CHRNE: variants seen among roughly 807,000 people sequenced by gnomAD.
CHRNE encodes acetylcholine receptor subunit epsilon.
CHRNE carries 58 observed loss-of-function variants against 56.5 expected under a neutral mutation model. The observed-to-expected ratio is 1.03, with a 90% CI of 0.83 to 1.28. The LOEUF (loss-of-function observed/expected upper bound fraction) is 1.28, where lower values mean the gene tolerates loss of function less well. Among genes scored for constraint, CHRNE ranks in the 50% most tolerant of loss-of-function variants. The pLI is 0.00. For synonymous variants in CHRNE, 385 were observed against 297.9 expected (o/e 1.29, Z -3.01); for missense variants, 793 against 688.9 (o/e 1.15, Z -1.69).
rs1412855797 is a variant in CHRNE at position 4,898,859 on chromosome 17, G to A, written c.1359C>T (p.Ala453=). ...EVSDWVRMGN[A]LDNICFWAAL... is the part of the protein sequence containing the mutation. Reference sequence around the variant, plus strand: ...CGGCCCAGAAGCAGATGTTGTCAAGGGCATTCCCCATGCGCACCCAGTCGG... The same window carrying A: ...CGGCCCAGAAGCAGATGTTGTCAAGAGCATTCCCCATGCGCACCCAGTCGG... The change falls in exon 12 of 12, where the codon GCC becomes GCT. Residue 453 remains alanine, a synonymous_variant. Transcript: ENST00000649488. The A allele has an allele frequency of 1.3e-6, 2 of 1,589,902 alleles. No homozygotes were observed. The highest frequency in any genetic ancestry group is 1.3e-5 in the African/African-American group (1 of 74,666).
Position 4,902,522 on chromosome 17 carries a change from A to G in CHRNE, c.190-28T>C, listed in dbSNP as rs1970026595. On this transcript the variant is annotated intron_variant, in intron 2 of 11. Transcript: ENST00000649488. This position sits in a 1 kb window ranked among gnomAD's most constrained non-coding sequence, Gnocchi z 4.0. ...GCAGATGGGAGATGGGGATGATTGA[A>G]GTGAGATTTCAGGGCCAGAAGTGAG... 1 of 1,614,128 alleles carries G rather than the reference A, an allele frequency of 6.2e-7. No homozygotes were observed. The highest frequency in any genetic ancestry group is 2.2e-5 in the East Asian group (1 of 44,872).
At position 4,902,658 on chromosome 17, in the gene CHRNE, A is replaced by T; in HGVS notation, c.152T>A (p.Ile51Asn). The T allele has an allele frequency of 6.2e-7, 1 of 1,613,902 alleles. No homozygotes were observed. Among genetic ancestry groups the T allele is most frequent in the Non-Finnish European group, 8.5e-7 (1 of 1,179,954 alleles). The change falls in exon 2 of 12, where the codon ATC (isoleucine) becomes AAC (asparagine). Residue 51 changes from isoleucine to asparagine, a missense_variant. By Grantham distance (149) the Ile-to-Asn change is moderately radical. Coordinates refer to ENST00000649488, the MANE Select transcript of CHRNE (RefSeq NM_000080.4). This position sits in a 1 kb window ranked among gnomAD's most constrained non-coding sequence, Gnocchi z 4.0. ...ATTCGTCAGGGTGACCTTGAGGCTG[A>T]TGGTGACAGTATCCTCAGGCTCCCG... The part of the protein sequence containing the change: ...PVREPEDTVT[I>N]SLKVTLTNLI...
rs781373404 is a variant in CHRNE, at chr17:4,899,086, C to G, written c.1241G>C (p.Gly414Ala). The G allele has an allele frequency of 2.5e-6, 4 of 1,609,118 alleles. 1 individual carries two copies. The highest frequency in any genetic ancestry group is 1.3e-5 in the African/African-American group (1 of 74,400). Residue 414 changes from glycine to alanine, a missense_variant, in exon 11 of 12, where the codon GGC becomes GCC. Coordinates refer to ENST00000649488, the MANE Select transcript of CHRNE (RefSeq NM_000080.4). ...TWTAAFCQSL[G>A]AAAPEVRCCV... Reference sequence around the variant, plus strand: ...GCAGCGGACCTCGGGGGCGGCGGCGCCCAGGCTCTGGCAGAAGGCAGCTGG... The same window carrying G: ...GCAGCGGACCTCGGGGGCGGCGGCGGCCAGGCTCTGGCAGAAGGCAGCTGG...
At chr17:4,900,322 C>T (rs1314559711) in intron 8 of CHRNE, 1 of 1,545,412 alleles carries the variant, frequency 6.5e-7, no homozygotes, top group Admixed American at 2.0e-5. Context: ...CCGGGTGCAG[C>T]GCTGAGCCGG....
At chr17:4,899,919 C>G (rs961848662) in intron 8 of CHRNE, 2 of 1,549,658 alleles carry the variant, frequency 1.3e-6, no homozygotes, top group African/African-American at 2.7e-5. Flanking sequence ...TACTCTACTG[C>G]TCTGCTCCTT....
upstream of CHRNE, among the ~76,000 whole-genome samples, chr17:4,907,322 G>A (rs867834996): frequency 2.0e-5 from 3 of 152,028 alleles, no homozygotes; most frequent in African/African-American, 4.8e-5. Flanking sequence ...CCTGCACTTC[G>A]GGAGGCCGAG....
At chr17:4,900,658 G>T in intron 8 of CHRNE, 135 bp downstream of exon 8, 1 of 1,438,150 alleles carries the variant, frequency 7.0e-7, no homozygotes, top group Non-Finnish European at 9.5e-7. Context: ...CTCCATCCCC[G>T]TACCAGCCCC....
rs141183965 is a variant in CHRNE at position 4,901,121 on chromosome 17, C to T, written c.671G>A (p.Gly224Asp). Residue 224 changes from glycine to aspartate, a missense_variant, in exon 7 of 12, where the codon GGC becomes GAC. By Grantham distance (94) the Gly-to-Asp change is moderately conservative (BLOSUM62 -1). Coordinates refer to ENST00000649488, the MANE Select transcript of CHRNE (RefSeq NM_000080.4). ...IRRHHGGATDGPGETDVIYSL... is the reference protein window; with the variant it reads ...IRRHHGGATDDPGETDVIYSL... Reference sequence around the variant, plus strand: ...GTAGATGACGTCAGTCTCCCCTGGGCCGTCGGTGGCGCCACCGTGGTGGCG... The same window carrying T: ...GTAGATGACGTCAGTCTCCCCTGGGTCGTCGGTGGCGCCACCGTGGTGGCG... 3.0e-4 allele frequency: 490 copies of T among 1,612,754 alleles called. 1 individual carries two copies. Among genetic ancestry groups the T allele is most frequent in the Non-Finnish European group, 4.1e-4 (481 of 1,179,952 alleles).
upstream of CHRNE, among the ~76,000 whole-genome samples, chr17:4,905,591 G>A (rs771919116): frequency 1.1e-4 from 16 of 151,864 alleles, no homozygotes; most frequent in Admixed American, 2.0e-4. Flanking sequence ...TGGATGCGGT[G>A]GCTCAACACC....
intron 5 of CHRNE, 83 bp downstream of exon 5, chr17:4,901,849 A>G: frequency 6.4e-7 from 1 of 1,563,066 alleles, no homozygotes; most frequent in Admixed American, 1.7e-5. Flanking sequence ...CCCCGCCCCG[A>G]GGGCGGTGCT....
At chr17:4,907,487 G>T (rs1233593348), upstream of CHRNE, among the ~76,000 whole-genome samples, 1 of 144,422 alleles carries the variant, frequency 6.9e-6, no homozygotes, top group East Asian at 2.0e-4. Flanking sequence ...AGAATGGCGT[G>T]AACCCGGGAG....
At position 4,901,204 on chromosome 17, in the gene CHRNE, G is replaced by GCA. The variant is rs757313173; in HGVS notation, c.602-16_602-15dup. ...ACTCGCCGTTCTCTGCGGGACGGGG[G>GCA]CACGGTCAGCTGGCTGTCAGAGCGG... On this transcript the variant is annotated splice_polypyrimidine_tract_variant and intron_variant, in intron 6 of 11. Coordinates refer to ENST00000649488, the MANE Select transcript of CHRNE (RefSeq NM_000080.4). 6.3e-7 allele frequency: 1 copy of GCA among 1,598,292 alleles called. No homozygotes were observed. Among genetic ancestry groups the GCA allele is most frequent in the Admixed American group, 1.7e-5 (1 of 59,854 alleles).
Position 4,898,876 on chromosome 17 carries a change from C to A in CHRNE, c.1342G>T (p.Val448Leu), listed in dbSNP as rs762582525. 2.5e-6 allele frequency: 4 copies of A among 1,582,144 alleles called. No individual in the cohort carries two copies. In the African/African-American group the frequency reaches 4.0e-5, roughly 16 times the overall value. The change falls in exon 12 of 12, where the codon GTG (valine) becomes TTG (leucine). Residue 448 changes from valine to leucine, a missense_variant. By Grantham distance (32) the Val-to-Leu change is conservative (BLOSUM62 1). Coordinates refer to ENST00000649488, the MANE Select transcript of CHRNE (RefSeq NM_000080.4). Reference sequence around the variant, plus strand: ...TTGTCAAGGGCATTCCCCATGCGCACCCAGTCGGACACTTCCTGGGGAAGG... The same window carrying A: ...TTGTCAAGGGCATTCCCCATGCGCAACCAGTCGGACACTTCCTGGGGAAGG... ...EATGEEVSDWVRMGNALDNIC... is the reference protein window; with the variant it reads ...EATGEEVSDWLRMGNALDNIC...
Position 4,900,839 on chromosome 17 carries a change from C to T in CHRNE, c.871G>A (p.Ala291Thr). 1.2e-6 allele frequency: 2 copies of T among 1,614,140 alleles called. No homozygotes were observed. Among genetic ancestry groups the T allele is most frequent in the Non-Finnish European group, 1.7e-6 (2 of 1,180,002 alleles). ...AGAGAAGTCTCTGGGATTTTCTGGGCAATGAGGAACAAGAAGACGGTCTGG... is the reference window on the plus strand; with the variant it reads ...AGAGAAGTCTCTGGGATTTTCTGGGTAATGAGGAACAAGAAGACGGTCTGG... ...LAQTVFLFLI[A>T]QKIPETSLSV... Residue 291 changes from alanine (A) to threonine (T), a missense_variant, in exon 8 of 12, where the codon GCC becomes ACC. By Grantham distance (58) the Ala-to-Thr change is moderately conservative. Transcript: ENST00000649488.
At position 4,898,438 on chromosome 17, in the gene CHRNE, G is replaced by A. The variant is rs1034020219; in HGVS notation, c.*298C>T. 6.1e-6 allele frequency: 3 copies of A among 489,372 alleles called. No homozygotes were observed. The highest frequency in any genetic ancestry group is 1.1e-5 in the Non-Finnish European group (3 of 266,910). 30.3% of individuals were successfully genotyped at this position (489,372 alleles called of 1,614,324 possible). A position where few individuals can be genotyped will look rare whatever the true frequency, so the allele number is the denominator to read the frequency against. ...AGCTCACAAGCTGGCAGCCACCAGA[G>A]TCCCGTGGGGCTGAGCCTTAGAAAG... On this transcript the variant is annotated 3_prime_UTR_variant, in exon 12 of 12. Transcript: ENST00000649488.
chr17:4,900,077 CCCACCCTGGGGCTGGTGTTGAGAGAAG>C, intron 8 of CHRNE: 1 of 1,551,102 alleles, frequency 6.4e-7, no homozygotes, highest in Non-Finnish European at 8.7e-7. Context: ...TGCCCCGAAG[CCCACCCTGGGGCTGGTGTTGAGAGAAG>C]CCACAGCCAG....
chr17:4,901,250 C>A, intron 6 of CHRNE, 60 bp from the exon 7 acceptor site: 2 of 1,567,976 alleles, frequency 1.3e-6, no homozygotes, highest in Non-Finnish European at 8.6e-7. Context: ...GAGCTGACAG[C>A]GGGCTGAAGA....
chr17:4,905,075 T>C (rs1386731986), upstream of CHRNE, among the ~76,000 whole-genome samples: 1 of 152,224 alleles, frequency 6.6e-6, no homozygotes, highest in Non-Finnish European at 1.5e-5. Flanking sequence ...AGTGGACACC[T>C]ACAAAGTTCC....
Position 4,902,018 on chromosome 17 carries a change from C to A in CHRNE, c.414G>T (p.Trp138Cys), listed in dbSNP as rs1970007339. The A allele has an allele frequency of 6.2e-7, 1 of 1,614,124 alleles. No individual in the cohort carries two copies. The highest frequency in any genetic ancestry group is 8.5e-7 in the Non-Finnish European group (1 of 1,180,052). ...CGCTGCGGTAGATGGCCGGAGGCAG[C>A]CACGTCACGGAGCCGCCCTCGTAGA... ...VLVYEGGSVT[W>C]LPPAIYRSVC... Residue 138 changes from tryptophan to cysteine, a missense_variant, in exon 5 of 12, where the codon TGG (tryptophan) becomes TGT (cysteine). Coordinates refer to ENST00000649488, the MANE Select transcript of CHRNE (RefSeq NM_000080.4). This position sits in a 1 kb window ranked among gnomAD's most constrained non-coding sequence, Gnocchi z 4.0.
Sources: allele counts gnomAD v4.1 joint callset (sites outside exome capture counted in the v4.1 genomes callset), GRCh38; gene constraint gnomAD v4.1.1; non-coding constraint Gnocchi (gnomAD v3.1); transcripts MANE v1.5; gene names NCBI Gene and HGNC (gene_info 2026-07-23, HGNC 2026-07-21).